MAPK6: variants seen among roughly 807,000 people sequenced by gnomAD.
The protein encoded by MAPK6 is mitogen-activated protein kinase 6.
A neutral mutation model predicts 59.3 loss-of-function variants in MAPK6; 19 were observed. That is an observed-to-expected ratio of 0.32 (90% CI 0.22 to 0.47). MAPK6 has a LOEUF of 0.47. Among genes scored for constraint, MAPK6 ranks in the 20% least tolerant of loss-of-function variants. The probability of loss-of-function intolerance (pLI) is 1.00; values close to 1 mark genes in which losing one functional copy is unlikely to be tolerated. For missense variants in MAPK6, 724 were observed against 847.9 expected (o/e 0.85, Z 1.81); for synonymous variants, 316 against 290.3 (o/e 1.09, Z -0.90).
At chr15:52,016,052 TCG>T (rs376275284), upstream of MAPK6, among the ~76,000 whole-genome samples, 1,582 of 68,570 alleles carry the variant, frequency 0.023, 25 homozygotes, top group Middle Eastern at 0.071. Flanking sequence ...CCAAACTCCA[TCG>T]CGCGCGCGCG....
rs538874371 is a variant in MAPK6 at position 52,039,968 on chromosome 15, G to A, written c.-631-5862G>A. Among the ~76,000 whole-genome samples the A allele has an allele frequency of 3.3e-5, 5 of 152,282 alleles. No individual in the cohort carries two copies. In the South Asian group the frequency reaches 1.0e-3, roughly 32 times the overall value. On this transcript the variant is annotated intron_variant, in intron 1 of 5. Transcript: ENST00000261845. ...CCCATGTCTTTTCCCAGGTTCCTAA[G>A]ATTATTTGTTGTTAATAGTTTATAC... is the stretch of plus-strand genomic sequence containing the variant.
intron 2 of MAPK6, among the ~76,000 whole-genome samples, chr15:51,991,413 C>G (rs2057208461): frequency 6.6e-6 from 1 of 152,106 alleles, no homozygotes; most frequent in Admixed American, 6.6e-5. Flanking sequence ...ATTTAGGTCT[C>G]ATGCCAGAAA....
intron 1 of MAPK6, among the ~76,000 whole-genome samples, chr15:52,038,093 G>A (rs774551575): frequency 1.3e-5 from 2 of 151,204 alleles, no homozygotes; most frequent in Non-Finnish European, 2.9e-5. Context: ...GTTAGATAGG[G>A]AGGAATCCAC....
chr15:52,016,055 C>T (rs187320996), upstream of MAPK6, among the ~76,000 whole-genome samples: 46 of 43,880 alleles, frequency 1.0e-3, 2 homozygotes, highest in East Asian at 0.013. Context: ...AACTCCATCG[C>T]GCGCGCGCGC....
At chr15:52,054,759 TACATAG>T (rs2031907749) in intron 3 of MAPK6, among the ~76,000 whole-genome samples, 4 of 149,774 alleles carry the variant, frequency 2.7e-5, no homozygotes, top group Admixed American at 2.7e-4. Context: ...CATATACACA[TACATAG>T]ATACACACAT....
chr15:52,044,081 A>G (rs2031524369), intron 1 of MAPK6, among the ~76,000 whole-genome samples: 1 of 151,778 alleles, frequency 6.6e-6, no homozygotes, highest in African/African-American at 2.4e-5. Flanking sequence ...GCCTTGAGAT[A>G]TTTTTTTAAT....
At chr15:52,038,638 A>G (rs2031320893) in intron 1 of MAPK6, among the ~76,000 whole-genome samples, 1 of 152,116 alleles carries the variant, frequency 6.6e-6, no homozygotes, top group Non-Finnish European at 1.5e-5. Flanking sequence ...CAGGTGTCCA[A>G]AGGTGCTTGA....
chr15:52,011,697 T>C (rs1003454956), intron 3 of MAPK6, among the ~76,000 whole-genome samples: 1 of 152,198 alleles, frequency 6.6e-6, no homozygotes, highest in African/African-American at 2.4e-5. Flanking sequence ...TTTTCACTAA[T>C]TTACTGTTCA....
chr15:52,040,772 A>G (rs1373617360), intron 1 of MAPK6, among the ~76,000 whole-genome samples: 1 of 152,226 alleles, frequency 6.6e-6, no homozygotes, highest in African/African-American at 2.4e-5. Flanking sequence ...GTTGTGGCTA[A>G]TGCAGTTTCA....
chr15:52,061,791 G>A (rs987297558), intron 5 of MAPK6, among the ~76,000 whole-genome samples: 1 of 151,828 alleles, frequency 6.6e-6, no homozygotes, highest in African/African-American at 2.4e-5. Flanking sequence ...ATTTAGTAAT[G>A]GTCCTTAATA....
intron 1 of MAPK6, among the ~76,000 whole-genome samples, chr15:52,039,891 G>A (rs1439727466): frequency 6.6e-6 from 1 of 152,200 alleles, no homozygotes; most frequent in Non-Finnish European, 1.5e-5. Flanking sequence ...GATAAGCATA[G>A]TTACTGATAC....
intron 2 of MAPK6, among the ~76,000 whole-genome samples, chr15:51,993,699 G>A (rs1315749814): frequency 1.3e-5 from 2 of 151,896 alleles, no homozygotes; most frequent in African/African-American, 2.4e-5. Context: ...ATATTCCCTA[G>A]CTCTGTCCAC....
At chr15:52,018,226 ACCATGTTGG>A (rs776504067), upstream of MAPK6, among the ~76,000 whole-genome samples, 10 of 73,004 alleles carry the variant, frequency 1.4e-4, no homozygotes, top group Admixed American at 4.9e-4. Flanking sequence ...CGGGGCTTTC[ACCATGTTGG>A]CCATGCTGGT....
At chr15:51,974,726 C>G (rs1270598186) in intron 1 of MAPK6, among the ~76,000 whole-genome samples, 8 of 142,158 alleles carry the variant, frequency 5.6e-5, no homozygotes, top group African/African-American at 1.9e-4. Context: ...TTTCTTTTTT[C>G]CCCCCCCGCA....
chr15:52,025,656 G>A (rs999278229), intron 1 of MAPK6, among the ~76,000 whole-genome samples: 17 of 152,254 alleles, frequency 1.1e-4, no homozygotes, highest in Non-Finnish European at 1.6e-4. Context: ...CAAAAAATTA[G>A]CCGGGTGGCG....
Position 52,061,483 on chromosome 15 carries a change from C to T in MAPK6, c.1050C>T (p.His350=). 1 of 1,611,262 alleles carries T rather than the reference C, an allele frequency of 6.2e-7. No individual in the cohort carries two copies. Among genetic ancestry groups the T allele is most frequent in the Non-Finnish European group, 8.5e-7 (1 of 1,177,568 alleles). ...TGCTTATGGATGAAACTCACAGTCA[C>T]ATTTATAACTGGGAAAGGTAAATTG... The part of the protein sequence containing the change: ...DILLMDETHS[H]IYNWERYHDC... Residue 350 remains histidine, a synonymous_variant, in exon 5 of 6, where the codon CAC becomes CAT. Coordinates refer to ENST00000261845, the MANE Select transcript of MAPK6 (RefSeq NM_002748.4).
chr15:51,979,113 AAAAG>A (rs887906810), intron 1 of MAPK6, among the ~76,000 whole-genome samples: 2 of 150,288 alleles, frequency 1.3e-5, no homozygotes, highest in Non-Finnish European at 3.0e-5. Flanking sequence ...CTTGAAAAAA[AAAAG>A]AGAGAAAGAA....
At chr15:52,039,777 A>T (rs1036112494) in intron 1 of MAPK6, among the ~76,000 whole-genome samples, 2 of 151,984 alleles carry the variant, frequency 1.3e-5, no homozygotes, top group African/African-American at 4.8e-5. Flanking sequence ...TTGGACTCCC[A>T]AAGTGCTAGG....
intron 3 of MAPK6, among the ~76,000 whole-genome samples, chr15:52,013,675 T>C (rs1313571938): frequency 6.6e-6 from 1 of 152,156 alleles, no homozygotes; most frequent in Non-Finnish European, 1.5e-5. Flanking sequence ...AGATACAGTT[T>C]GGTTTGGCTT....
Sources: gnomAD v4.1 joint callset for allele counts (sites outside exome capture counted in the v4.1 genomes callset) on GRCh38, gnomAD v4.1.1 for gene constraint, MANE v1.5 for transcripts, NCBI Gene and HGNC (gene_info 2026-07-23, HGNC 2026-07-21) for gene names.